The following PRKCB variants were observed in gnomAD, a reference collection of about 807,000 sequenced individuals.
The protein encoded by PRKCB is protein kinase C beta type.
Under a neutral mutation model 81.5 loss-of-function variants are expected in PRKCB, and 13 were observed. The observed-to-expected ratio is 0.16, with a 90% CI of 0.10 to 0.25. The LOEUF (loss-of-function observed/expected upper bound fraction) is 0.25. PRKCB is among the 10% of genes least tolerant of loss of function. The probability of loss-of-function intolerance (pLI) is 1.00; values close to 1 mark genes in which losing one functional copy is unlikely to be tolerated. For synonymous variants in PRKCB, 335 were observed against 321.4 expected, an observed-to-expected ratio of 1.04 and a Z score of -0.45; for missense variants, 509 against 875.7, an observed-to-expected ratio of 0.58 and a Z score of 5.29.
At chr16:23,848,050 G>T (rs1008203748) in intron 2 of PRKCB, among the ~76,000 whole-genome samples, 1 of 152,154 alleles carries the variant, frequency 6.6e-6, no homozygotes, top group Non-Finnish European at 1.5e-5. Context: ...TCAGGCACAG[G>T]ACAGGACAAC....
At chr16:23,997,050 T>A (rs1208271746) in intron 3 of PRKCB, among the ~76,000 whole-genome samples, 1 of 152,130 alleles carries the variant, frequency 6.6e-6, no homozygotes, top group African/African-American at 2.4e-5. Context: ...GACTTTATGC[T>A]CTCCCAGCAT....
intron 9 of PRKCB, chr16:24,151,950 A>G (rs964680940): frequency 1.3e-5 from 6 of 453,652 alleles, no homozygotes; most frequent in African/African-American, 1.0e-4. Flanking sequence ...GTGGAAGGCT[A>G]AGATGTCCTA....
At position 24,092,861 on chromosome 16, in the gene PRKCB, G is replaced by T; in HGVS notation, c.600G>T (p.Leu200=). 1 of 1,614,108 alleles carries T rather than the reference G, an allele frequency of 6.2e-7. No homozygotes were observed. Among genetic ancestry groups the T allele is most frequent in the South Asian group, 1.1e-5 (1 of 91,078 alleles). The change falls in exon 6 of 17, where the codon CTG becomes CTT. Residue 200 remains leucine (L), a synonymous_variant. Transcript: ENST00000643927. The part of the protein sequence containing the change: ...GLSDPYVKLK[L]IPDPKSESKQ... ...CAGATCCCTACGTAAAACTGAAACT[G>T]ATTCCCGATCCCAAAAGTGAGAGCA...
intron 2 of PRKCB, among the ~76,000 whole-genome samples, chr16:23,940,846 AT>A: frequency 6.6e-6 from 1 of 152,114 alleles, no homozygotes; most frequent in Non-Finnish European, 1.5e-5. Flanking sequence ...ACCTTGGGTG[AT>A]TATTTACTCT....
intron 10 of PRKCB, among the ~76,000 whole-genome samples, chr16:24,165,513 C>T (rs1967328691): frequency 6.6e-6 from 1 of 152,244 alleles, no homozygotes; most frequent in South Asian, 2.1e-4. Flanking sequence ...AAACTCACTT[C>T]TCTGCTCCAG....
In PRKCB at chr16:24,117,974, G is replaced by A. The variant is rs142984875; in HGVS notation, c.918+4905G>A. Among the ~76,000 whole-genome samples, 462 of 152,342 alleles carry A rather than the reference G, an allele frequency of 3.0e-3. 5 individuals are homozygous for A. The highest frequency in any genetic ancestry group is 0.01 in the African/African-American group (435 of 41,580). The stretch of plus-strand genomic sequence containing the variant: ...TCAATGTGCCCTGTGCGCTGTGCCC[G>A]CTCCTATAACCAGAAAATAAGCTAC... On this transcript the variant is annotated intron_variant, in intron 8 of 16. Coordinates refer to ENST00000643927, the MANE Select transcript of PRKCB (RefSeq NM_002738.7).
At chr16:24,094,027 G>A in intron 6 of PRKCB, 136 bp from the exon 7 acceptor site, 3 of 1,035,880 alleles carry the variant, frequency 2.9e-6, no homozygotes, top group Non-Finnish European at 4.1e-6. Context: ...AGCCTGGGAT[G>A]GAAACTGAAT....
intron 2 of PRKCB, among the ~76,000 whole-genome samples, chr16:23,935,318 A>T (rs1451819609): frequency 6.6e-6 from 1 of 152,178 alleles, no homozygotes. Context: ...TGGGGAAATA[A>T]TCTGTACTTT....
chr16:24,022,579 C>T (rs530726416), intron 3 of PRKCB, among the ~76,000 whole-genome samples: 2 of 152,082 alleles, frequency 1.3e-5, no homozygotes, highest in Non-Finnish European at 2.9e-5. Flanking sequence ...GCAAGCTCCG[C>T]CTCCCGGGTT....
At chr16:23,937,875 T>A (rs1964084250) in intron 2 of PRKCB, among the ~76,000 whole-genome samples, 1 of 152,174 alleles carries the variant, frequency 6.6e-6, no homozygotes, top group Non-Finnish European at 1.5e-5. Context: ...AGGGAACTGC[T>A]GGTGGTGAAT....
intron 5 of PRKCB, among the ~76,000 whole-genome samples, chr16:24,063,031 G>T (rs1039562090): frequency 4.6e-5 from 7 of 151,960 alleles, no homozygotes; most frequent in Non-Finnish European, 1.0e-4. Context: ...CAATTCCTCT[G>T]CTCTTGGCTG....
chr16:23,847,933 C>A (rs924352920), intron 2 of PRKCB, among the ~76,000 whole-genome samples: 3 of 152,200 alleles, frequency 2.0e-5, no homozygotes, highest in African/African-American at 7.2e-5. Flanking sequence ...CCCTACTCCT[C>A]CTCGGACCGG....
intron 2 of PRKCB, among the ~76,000 whole-genome samples, chr16:23,890,097 T>C (rs995956874): frequency 2.0e-5 from 3 of 152,254 alleles, no homozygotes; most frequent in African/African-American, 7.2e-5. Flanking sequence ...AATCAGTTAA[T>C]GAATGGATCT....
intron 9 of PRKCB, among the ~76,000 whole-genome samples, chr16:24,128,375 AAACAACAAC>A (rs61430133): frequency 6.6e-6 from 1 of 151,936 alleles, no homozygotes; most frequent in Non-Finnish European, 1.5e-5. Flanking sequence ...ACACTGTCTC[AAACAACAAC>A]AACAACAACA....
intron 5 of PRKCB, among the ~76,000 whole-genome samples, chr16:24,076,468 AAGACG>A (rs1242165848): frequency 6.6e-6 from 1 of 152,182 alleles, no homozygotes; most frequent in Non-Finnish European, 1.5e-5. Context: ...GATAGGGAGA[AAGACG>A]AGACAGAAGC....
intron 9 of PRKCB, among the ~76,000 whole-genome samples, chr16:24,150,327 C>T (rs995727695): frequency 6.6e-6 from 1 of 151,984 alleles, no homozygotes; most frequent in Non-Finnish European, 1.5e-5. Context: ...GTCTCAAAAA[C>T]GAAAAACAGA....
chr16:24,109,921 AC>A (rs1439824311), intron 7 of PRKCB, among the ~76,000 whole-genome samples: 1 of 127,120 alleles, frequency 7.9e-6, no homozygotes, highest in Non-Finnish European at 1.6e-5. Context: ...CCTGGCCAAC[AC>A]AGCGAAACCC....
intron 5 of PRKCB, among the ~76,000 whole-genome samples, chr16:24,057,799 T>C (rs529939943): frequency 6.6e-6 from 1 of 152,276 alleles, no homozygotes; most frequent in East Asian, 1.9e-4. Context: ...CTCAGCTCGG[T>C]GGGCGCTTTG....
intron 5 of PRKCB, among the ~76,000 whole-genome samples, chr16:24,071,436 T>TAAAAAAAAAAAAAAAAAAAA (rs398042091): frequency 1.7e-5 from 1 of 57,274 alleles, no homozygotes; most frequent in African/African-American, 5.8e-5. Flanking sequence ...AGACCCTGTC[T>TAAAAAAAAAAAAAAAAAAAA]AAAAAAAAAA....
Sources: gnomAD v4.1 joint callset for allele counts (sites outside exome capture counted in the v4.1 genomes callset) on GRCh38, gnomAD v4.1.1 for gene constraint, MANE v1.5 for transcripts, NCBI Gene and HGNC (gene_info 2026-07-23, HGNC 2026-07-21) for gene names.